Variants in TMEM132C observed in about 807,000 individuals in gnomAD.
TMEM132C encodes protein phosphatase 1, regulatory subunit 152.
In TMEM132C, 29 loss-of-function variants were observed where a neutral mutation model predicts 61.4. That is an observed-to-expected ratio of 0.47 (90% CI 0.35 to 0.64). The LOEUF (loss-of-function observed/expected upper bound fraction) is 0.64. TMEM132C is among the 30% of genes least tolerant of loss of function. The probability of loss-of-function intolerance (pLI) is 0.00; values close to 1 mark genes in which losing one functional copy is unlikely to be tolerated. For synonymous variants in TMEM132C, 656 were observed against 633.1 expected (o/e 1.04, Z -0.54); for missense variants, 1,408 against 1,476.9 (o/e 0.95, Z 0.76).
At chr12:128,641,024 C>A (rs889905160) in intron 4 of TMEM132C, among the ~76,000 whole-genome samples, 3 of 152,122 alleles carry the variant, frequency 2.0e-5, no homozygotes, top group Admixed American at 6.5e-5. Context: ...GAGAAAAGGG[C>A]TGAAGAGATG....
intron 4 of TMEM132C, among the ~76,000 whole-genome samples, chr12:128,622,354 A>AAT (rs1953971087): frequency 1.5e-5 from 1 of 66,258 alleles, no homozygotes; most frequent in Non-Finnish European, 2.9e-5. Flanking sequence ...AAAAAAAAAA[A>AAT]AAAAAAATAT....
intron 2 of TMEM132C, among the ~76,000 whole-genome samples, chr12:128,522,342 A>G (rs1189321443): frequency 6.6e-6 from 1 of 152,222 alleles, no homozygotes; most frequent in Non-Finnish European, 1.5e-5. Context: ...TACTCATGGC[A>G]GAATCAGACT....
chr12:128,486,904 C>CAT (rs1277791567), intron 2 of TMEM132C, among the ~76,000 whole-genome samples: 2 of 119,912 alleles, frequency 1.7e-5, no homozygotes, highest in Non-Finnish European at 3.9e-5. Context: ...CACACACACA[C>CAT]ACACACACAC....
At chr12:128,337,504 C>G in intron 1 of TMEM132C, among the ~76,000 whole-genome samples, 1 of 152,116 alleles carries the variant, frequency 6.6e-6, no homozygotes, top group Non-Finnish European at 1.5e-5. Context: ...GGAATTCCAC[C>G]AATACGAAAT....
intron 4 of TMEM132C, among the ~76,000 whole-genome samples, chr12:128,619,671 C>T (rs1953941490): frequency 6.6e-6 from 1 of 152,218 alleles, no homozygotes; most frequent in South Asian, 2.1e-4. Context: ...CTGCGCTGTC[C>T]CCACTGTGCC....
intron 1 of TMEM132C, chr12:128,289,098 G>A (rs1871169165): frequency 6.6e-6 from 1 of 152,106 alleles, no homozygotes; most frequent in Non-Finnish European, 1.5e-5. Flanking sequence ...TCACATGTGT[G>A]CCCACACGTG....
chr12:128,308,715 G>C (rs1002680385), intron 1 of TMEM132C, among the ~76,000 whole-genome samples: 3 of 152,078 alleles, frequency 2.0e-5, no homozygotes, highest in Non-Finnish European at 4.4e-5. Context: ...GTCATCTTCT[G>C]GGGGGAGCTG....
intron 1 of TMEM132C, among the ~76,000 whole-genome samples, chr12:128,392,064 TTCTCTCTCTC>T (rs34334973): frequency 0.027 from 3,460 of 130,504 alleles, 128 homozygotes; most frequent in African/African-American, 0.11. Flanking sequence ...CTCTCTCTCT[TTCTCTCTCTC>T]TCTCTCTCTC....
chr12:128,530,732 C>G (rs1873264822), intron 2 of TMEM132C, among the ~76,000 whole-genome samples: 1 of 152,226 alleles, frequency 6.6e-6, no homozygotes, highest in Admixed American at 6.5e-5. Flanking sequence ...CATGAGCCAC[C>G]ATGCCCGGCC....
At chr12:128,393,300 C>G (rs187949144) in intron 1 of TMEM132C, among the ~76,000 whole-genome samples, 1 of 152,316 alleles carries the variant, frequency 6.6e-6, no homozygotes, top group Admixed American at 6.5e-5. Context: ...TCCCCACTTT[C>G]AGAATTCCCA....
rs544155954 is a variant in TMEM132C, at chr12:128,520,079, G to A, written c.975-23878G>A. On this transcript the variant is annotated intron_variant, in intron 2 of 8. Coordinates refer to ENST00000435159, the MANE Select transcript of TMEM132C (RefSeq NM_001136103.3). Reference sequence around the variant, plus strand: ...TGTTTAAACTCTCAGAGGAATGACCGTCACCCTCTGCCCTCGCCAACTTTA... The same window carrying A: ...TGTTTAAACTCTCAGAGGAATGACCATCACCCTCTGCCCTCGCCAACTTTA... Among the ~76,000 whole-genome samples, 23 of 152,266 alleles carry A rather than the reference G, an allele frequency of 1.5e-4. 1 individual carries two copies. In the East Asian group the frequency reaches 3.9e-3, roughly 26 times the overall value.
intron 1 of TMEM132C, among the ~76,000 whole-genome samples, chr12:128,397,316 G>A (rs146756637): frequency 1.3e-4 from 20 of 152,306 alleles, no homozygotes; most frequent in South Asian, 8.3e-4. Flanking sequence ...GGGCTTCGCC[G>A]TGTGTCTTCT....
chr12:128,392,064 T>TTCTCTCTCTCTC (rs34334973), intron 1 of TMEM132C, among the ~76,000 whole-genome samples: 44 of 130,534 alleles, frequency 3.4e-4, no homozygotes, highest in Admixed American at 1.3e-3. Flanking sequence ...CTCTCTCTCT[T>TTCTCTCTCTCTC]TCTCTCTCTC....
chr12:128,541,021 T>C (rs200476010), intron 2 of TMEM132C, among the ~76,000 whole-genome samples: 4 of 71,324 alleles, frequency 5.6e-5, no homozygotes, highest in Non-Finnish European at 1.4e-4. Flanking sequence ...CTTTCTCTCT[T>C]TCTCTGTCTC....
chr12:128,645,077 C>T (rs2135601987), intron 4 of TMEM132C, among the ~76,000 whole-genome samples: 1 of 152,282 alleles, frequency 6.6e-6, no homozygotes, highest in Admixed American at 6.5e-5. Flanking sequence ...TGTGAACCTC[C>T]TGGCCTTCAC....
chr12:128,645,400 C>T (rs1225004986), intron 4 of TMEM132C, among the ~76,000 whole-genome samples: 1 of 152,176 alleles, frequency 6.6e-6, no homozygotes, highest in African/African-American at 2.4e-5. Context: ...TGGAGAAGCC[C>T]TCACTGCCCA....
chr12:128,594,384 G>C (rs1170370908), intron 3 of TMEM132C, among the ~76,000 whole-genome samples: 1 of 151,062 alleles, frequency 6.6e-6, no homozygotes, highest in Non-Finnish European at 1.5e-5. Flanking sequence ...ACACACACTG[G>C]AATGAAAGCT....
intron 5 of TMEM132C, among the ~76,000 whole-genome samples, chr12:128,688,483 G>A (rs984090350): frequency 6.6e-6 from 1 of 152,070 alleles, no homozygotes; most frequent in African/African-American, 2.4e-5. Context: ...AAGAAAACAG[G>A]ATGGACAAAT....
intron 4 of TMEM132C, among the ~76,000 whole-genome samples, chr12:128,645,546 A>G (rs1427055320): frequency 6.6e-6 from 1 of 152,154 alleles, no homozygotes; most frequent in Admixed American, 6.6e-5. Flanking sequence ...AAAGCTTTCT[A>G]TGATTTTATG....
Sources: gnomAD v4.1 joint callset for allele counts (sites outside exome capture counted in the v4.1 genomes callset) on GRCh38, gnomAD v4.1.1 for gene constraint, MANE v1.5 for transcripts, NCBI Gene and HGNC (gene_info 2026-07-23, HGNC 2026-07-21) for gene names.